GCNT1: variants seen among roughly 807,000 people sequenced by gnomAD.
GCNT1 encodes the protein beta-1,3-galactosyl-O-glycosyl-glycoprotein beta-1,6-N-acetylglucosaminyltransferase.
In GCNT1, 16 loss-of-function variants were observed where a neutral mutation model predicts 26.2. The ratio of observed to expected loss-of-function variants is 0.61; its 90% CI spans 0.41 to 0.93. The LOEUF (loss-of-function observed/expected upper bound fraction) is 0.93, where lower values mean the gene tolerates loss of function less well. Ranked by LOEUF, GCNT1 falls within the 40% of genes least tolerant of loss-of-function variation. The pLI is 0.00. For missense variants in GCNT1, 477 were observed against 526.7 expected (o/e 0.91, Z 0.92); for synonymous variants, 183 against 190.8 (o/e 0.96, Z 0.34).
chr9:76,478,754 T>C (rs959154269), intron 2 of GCNT1, among the ~76,000 whole-genome samples: 7 of 152,250 alleles, frequency 4.6e-5, no homozygotes, highest in Non-Finnish European at 1.0e-4. Context: ...TAGGATGGTC[T>C]TCATTCAGAT....
intron 2 of GCNT1, among the ~76,000 whole-genome samples, chr9:76,462,358 T>TG (rs542101608): frequency 1.5e-3 from 222 of 152,372 alleles, no homozygotes; most frequent in South Asian, 3.5e-3. Context: ...GGCTTAGTGC[T>TG]GTCACGTTTC....
At chr9:76,500,846 A>G (rs1825043683) in intron 2 of GCNT1, 70 bp from the exon 3 acceptor site, 1 of 152,220 alleles carries the variant, frequency 6.6e-6, no homozygotes, top group Non-Finnish European at 1.5e-5. Flanking sequence ...TAGTTCACCA[A>G]CATATTTTCT....
At chr9:76,452,093 C>T (rs971486699) in intron 1 of GCNT1, among the ~76,000 whole-genome samples, 3 of 151,702 alleles carry the variant, frequency 2.0e-5, no homozygotes, top group Non-Finnish European at 4.4e-5. Flanking sequence ...CTCAGCCTCC[C>T]GAGTAACTGG....
Position 76,459,285 on chromosome 9 carries a change from G to C in GCNT1, c.-428G>C, listed in dbSNP as rs551928869. On this transcript the variant is annotated 5_prime_UTR_variant, in exon 1 of 4. Coordinates refer to ENST00000376730, the MANE Select transcript of GCNT1 (RefSeq NM_001490.5). ...CGGCTGGGCATCCTCCTGAGACTCC[G>C]GGGTCAGACGCCCACTCCAGGTAAC... The C allele has an allele frequency of 6.6e-6, 1 of 152,600 alleles. No homozygotes were observed. The highest frequency in any genetic ancestry group is 2.1e-4 in the South Asian group (1 of 4,830). The allele number at this position is 152,600 out of a possible 1,614,324, so 9.5% of individuals were successfully genotyped here.
At chr9:76,465,208 G>A (rs897322053) in intron 2 of GCNT1, among the ~76,000 whole-genome samples, 1 of 150,364 alleles carries the variant, frequency 6.7e-6, no homozygotes, top group Non-Finnish European at 1.5e-5. Flanking sequence ...CACCCAGACT[G>A]GAGTGCAATG....
At chr9:76,452,793 C>G (rs1448598328) in intron 1 of GCNT1, among the ~76,000 whole-genome samples, 3 of 152,102 alleles carry the variant, frequency 2.0e-5, no homozygotes, top group African/African-American at 7.2e-5. Context: ...GGACACTGAT[C>G]GAAACCATAT....
At chr9:76,496,901 C>G (rs546213893) in intron 2 of GCNT1, among the ~76,000 whole-genome samples, 1 of 152,222 alleles carries the variant, frequency 6.6e-6, no homozygotes, top group African/African-American at 2.4e-5. Flanking sequence ...TCTCCTCTTC[C>G]AGGAAAGGAC....
chr9:76,463,262 TG>T (rs1441902177), intron 2 of GCNT1, among the ~76,000 whole-genome samples: 1 of 150,194 alleles, frequency 6.7e-6, no homozygotes, highest in African/African-American at 2.4e-5. Flanking sequence ...ACATAATTTG[TG>T]GGGCCCCTTG....
At chr9:76,429,516 T>C (rs1823305462) in intron 1 of GCNT1, among the ~76,000 whole-genome samples, 1 of 152,168 alleles carries the variant, frequency 6.6e-6, no homozygotes, top group South Asian at 2.1e-4. Context: ...TTTTTTGGAT[T>C]GGCAGCCTGT....
At chr9:76,442,042 G>C (rs915196949) in exon 1 of GCNT1, 5 of 152,238 alleles carry the variant, frequency 3.3e-5, no homozygotes, top group Admixed American at 1.3e-4. Flanking sequence ...CGCACAGTGT[G>C]ACTCAGAGAC....
chr9:76,398,699 A>G, the GCNT1 span: 20 of 1,262,968 alleles, frequency 1.6e-5, no homozygotes, highest in African/African-American at 4.4e-5. Flanking sequence ...AACTTTCACA[A>G]TGTCCGGAGC....
upstream of GCNT1, among the ~76,000 whole-genome samples, chr9:76,416,212 C>G (rs1346237894): frequency 6.6e-6 from 1 of 152,092 alleles, no homozygotes; most frequent in African/African-American, 2.4e-5. Context: ...ATCTGACTGT[C>G]GAGATGAGTT....
chr9:76,460,738 A>T (rs559428924), intron 2 of GCNT1, among the ~76,000 whole-genome samples: 14 of 149,658 alleles, frequency 9.4e-5, no homozygotes, highest in Admixed American at 4.0e-4. Flanking sequence ...AATATACCAA[A>T]CTATGAATTT....
At chr9:76,434,978 C>T (rs562196167) in intron 1 of GCNT1, among the ~76,000 whole-genome samples, 9 of 152,138 alleles carry the variant, frequency 5.9e-5, no homozygotes, top group Admixed American at 3.9e-4. Flanking sequence ...TCTCTGCTCT[C>T]GAACCATGTT....
chr9:76,482,434 A>C (rs1203170396), intron 2 of GCNT1, among the ~76,000 whole-genome samples: 2 of 151,230 alleles, frequency 1.3e-5, no homozygotes, highest in African/African-American at 4.9e-5. Context: ...ATCCTGGCTA[A>C]CACGGTGAAA....
At chr9:76,474,045 A>G (rs1286851681) in intron 2 of GCNT1, among the ~76,000 whole-genome samples, 1 of 152,186 alleles carries the variant, frequency 6.6e-6, no homozygotes, top group East Asian at 1.9e-4. Flanking sequence ...GGCTGTAGTA[A>G]GCTTTGGTTA....
intron 2 of GCNT1, among the ~76,000 whole-genome samples, chr9:76,478,450 A>C (rs926042092): frequency 2.0e-5 from 3 of 152,168 alleles, no homozygotes; most frequent in Admixed American, 6.5e-5. Flanking sequence ...GACACATCTG[A>C]ACATCTGAAG....
upstream of GCNT1, among the ~76,000 whole-genome samples, chr9:76,454,429 G>C (rs1003405113): frequency 4.6e-5 from 7 of 150,944 alleles, no homozygotes; most frequent in Non-Finnish European, 7.4e-5. Context: ...CAGTATCAGG[G>C]AGTGGGATGA....
At chr9:76,455,942 A>G (rs986554485), upstream of GCNT1, among the ~76,000 whole-genome samples, 1 of 152,200 alleles carries the variant, frequency 6.6e-6, no homozygotes, top group African/African-American at 2.4e-5. Context: ...CTATAGTTTT[A>G]TTATGACATT....
Sources: gnomAD v4.1 joint callset for allele counts (sites outside exome capture counted in the v4.1 genomes callset) on GRCh38, gnomAD v4.1.1 for gene constraint, MANE v1.5 for transcripts, NCBI Gene and HGNC (gene_info 2026-07-23, HGNC 2026-07-21) for gene names.